LACC1: variants seen among roughly 807,000 people sequenced by gnomAD.
LACC1 encodes purine nucleoside phosphorylase LACC1.
LACC1 carries 25 observed loss-of-function variants against 34.8 expected under a neutral mutation model. The observed-to-expected ratio is 0.72, with a 90% CI of 0.52 to 1.00. The LOEUF is 1.00. LACC1 is among the 50% of genes least tolerant of loss of function. The pLI is 0.00. For missense variants in LACC1, 426 were observed against 511.2 expected, an observed-to-expected ratio of 0.83 and a Z score of 1.61; for synonymous variants, 162 against 168.0, an observed-to-expected ratio of 0.96 and a Z score of 0.28.
In LACC1 at chr13:43,891,780, A is replaced by G. The variant is rs1955577294; in HGVS notation, c.*333A>G. On this transcript the variant is annotated 3_prime_UTR_variant, in exon 7 of 7. Coordinates refer to ENST00000325686, the MANE Select transcript of LACC1 (RefSeq NM_153218.4). The stretch of plus-strand genomic sequence containing the variant: ...ATTGGTCAGGCATTGTGTTAAGCAT[A>G]TGTGAATCAAAATGAACACAACTTT... 1 of 159,116 alleles carries G rather than the reference A, an allele frequency of 6.3e-6. No homozygotes were observed. The highest frequency in any genetic ancestry group is 1.3e-5 in the Non-Finnish European group (1 of 74,150). The allele number at this position is 159,116 out of a possible 1,614,324, so 9.9% of individuals were successfully genotyped here. A position where few individuals can be genotyped will look rare whatever the true frequency, so the allele number is the denominator to read the frequency against.
At chr13:43,879,809 G>A (rs1461017060), upstream of LACC1, 1 of 116,148 alleles carries the variant, frequency 8.6e-6, no homozygotes, top group African/African-American at 3.0e-5. Flanking sequence ...GAGGCGAGGC[G>A]GGGCGAGGTG....
intron 5 of LACC1, 83 bp downstream of exon 5, chr13:43,889,065 C>T: frequency 8.8e-7 from 1 of 1,135,052 alleles, no homozygotes; most frequent in Non-Finnish European, 1.3e-6. Flanking sequence ...CAATTAATAA[C>T]TCTAAGAAGA....
chr13:43,880,871 C>T (rs1954983787), intron 1 of LACC1, 81 bp from the exon 2 acceptor site: 2 of 907,740 alleles, frequency 2.2e-6, no homozygotes, highest in South Asian at 1.9e-5. Flanking sequence ...GTAATTACTT[C>T]GTTTTTAATC....
At position 43,883,842 on chromosome 13, in the gene LACC1, T is replaced by G. The variant is rs770759227; in HGVS notation, c.813T>G (p.Asn271Lys). 3 of 1,613,674 alleles carry G rather than the reference T, an allele frequency of 1.9e-6. No individual in the cohort carries two copies. The highest frequency in any genetic ancestry group is 2.5e-6 in the Non-Finnish European group (3 of 1,179,802). ...EPDSYDGITT[N>K]QRGVTIAALG... is the part of the protein sequence containing the mutation. Reference sequence around the variant, plus strand: ...ACTCTTATGATGGAATAACCACAAATCAGAGAGGAGTCACAATAGCAGCTC... The same window carrying G: ...ACTCTTATGATGGAATAACCACAAAGCAGAGAGGAGTCACAATAGCAGCTC... Residue 271 changes from asparagine to lysine, a missense_variant, in exon 4 of 7, where the codon AAT (asparagine) becomes AAG (lysine). This residue lies in a region of LACC1 where 209 missense variants were observed against 300.3 expected (regional missense o/e 0.70). Coordinates refer to ENST00000325686, the MANE Select transcript of LACC1 (RefSeq NM_153218.4).
At chr13:43,888,553 A>G (rs1156414593) in intron 4 of LACC1, among the ~76,000 whole-genome samples, 1 of 152,154 alleles carries the variant, frequency 6.6e-6, no homozygotes, top group Non-Finnish European at 1.5e-5. Flanking sequence ...TGGAAGATGA[A>G]GAAAACTCCC....
chr13:43,891,630 C>T lies in LACC1; in HGVS notation c.*183C>T, dbSNP rs1434204110. 4 of 737,062 alleles carry T rather than the reference C, an allele frequency of 5.4e-6. No individual in the cohort carries two copies. 45.7% of individuals were successfully genotyped at this position (737,062 alleles called of 1,614,324 possible). ...TTCATTTAATTGTAATAATAACTGA[C>T]AAAAATCAGTATGTTGTAGCTAATA... On this transcript the variant is annotated 3_prime_UTR_variant, in exon 7 of 7. Coordinates refer to ENST00000325686, the MANE Select transcript of LACC1 (RefSeq NM_153218.4).
Position 43,890,293 on chromosome 13 carries a change from C to T in LACC1, c.*1+19C>T, listed in dbSNP as rs747730640. ...GAATGAGGTACAGTAGGTTTTCTCT[C>T]CTCTCTCCGTTTTTCCTCTCTTTCA... On this transcript the variant is annotated intron_variant, in intron 6 of 6. Coordinates refer to ENST00000325686, the MANE Select transcript of LACC1 (RefSeq NM_153218.4). 4.6e-5 allele frequency: 73 copies of T among 1,597,280 alleles called. No homozygotes were observed. The highest frequency in any genetic ancestry group is 6.2e-5 in the Non-Finnish European group (73 of 1,170,002).
chr13:43,886,693 C>A (rs1184634502), intron 4 of LACC1, among the ~76,000 whole-genome samples: 1 of 152,004 alleles, frequency 6.6e-6, no homozygotes, highest in African/African-American at 2.4e-5. Flanking sequence ...TACACGAAAC[C>A]CCAGTGACAT....
At chr13:43,889,123 C>T in intron 5 of LACC1, 141 bp downstream of exon 5, 1 of 627,234 alleles carries the variant, frequency 1.6e-6, no homozygotes, top group South Asian at 2.1e-5. Flanking sequence ...TGTACACAAA[C>T]ACTCATTTTA....
At position 43,890,138 on chromosome 13, in the gene LACC1, T is replaced by C. The variant is rs767001919; in HGVS notation, c.1158T>C (p.Ile386=). Reference sequence around the variant, plus strand: ...GGATTCTTCTAGAACAGGGAGGAATTCTTCCACAGAATATTCAGGACCAGA... The same window carrying C: ...GGATTCTTCTAGAACAGGGAGGAATCCTTCCACAGAATATTCAGGACCAGA... ...ATRILLEQGG[I]LPQNIQDQNQ... is the part of the protein sequence containing the mutation. The change falls in exon 6 of 7, where the codon ATT becomes ATC. Residue 386 remains isoleucine, a synonymous_variant. Coordinates refer to ENST00000325686, the MANE Select transcript of LACC1 (RefSeq NM_153218.4). 3.1e-6 allele frequency: 5 copies of C among 1,612,774 alleles called. No individual in the cohort carries two copies. The South Asian group carries it at 3.3e-5, about 11-fold the overall frequency.
intron 4 of LACC1, among the ~76,000 whole-genome samples, chr13:43,886,336 A>G (rs1218441944): frequency 1.3e-5 from 2 of 152,202 alleles, no homozygotes; most frequent in Non-Finnish European, 2.9e-5. Flanking sequence ...TTTCACAATA[A>G]TGAAGACATG....
chr13:43,880,295 C>T (rs777087497), intron 1 of LACC1, among the ~76,000 whole-genome samples, 176 bp downstream of exon 1: 30 of 144,606 alleles, frequency 2.1e-4, no homozygotes, highest in Admixed American at 9.0e-4. Flanking sequence ...GGGCAAAGGG[C>T]GTCACCAAAG....
chr13:43,887,482 T>G (rs9533676), intron 4 of LACC1, among the ~76,000 whole-genome samples: 134,982 of 152,174 alleles, frequency 0.89, 60,755 homozygotes, highest in South Asian at 0.99. Flanking sequence ...GAAGGTAGCA[T>G]AAGTAAAGAA....
chr13:43,880,860 T>C (rs1954982238), intron 1 of LACC1, 92 bp from the exon 2 acceptor site: 2 of 780,668 alleles, frequency 2.6e-6, no homozygotes, highest in Admixed American at 5.7e-5. Flanking sequence ...TTAAAATCAG[T>C]GTAATTACTT....
chr13:43,891,542 T>C lies in LACC1; in HGVS notation c.*95T>C. 3.2e-6 allele frequency: 3 copies of C among 928,754 alleles called. No individual in the cohort carries two copies. The highest frequency in any genetic ancestry group is 2.6e-6 in the Non-Finnish European group (2 of 778,212). The allele number at this position is 928,754 out of a possible 1,614,324, so 57.5% of individuals were successfully genotyped here. ...GCTGTTTGATTTACTTAAAACCAAA[T>C]GGATTACAATGGATAATTCATCTTT... On this transcript the variant is annotated 3_prime_UTR_variant, in exon 7 of 7. Transcript: ENST00000325686.
At chr13:43,890,017 G>A (rs1405461411) in intron 5 of LACC1, 97 bp from the exon 6 acceptor site, 9 of 1,032,716 alleles carry the variant, frequency 8.7e-6, no homozygotes, top group Non-Finnish European at 8.4e-6. Context: ...CATCTTTCCT[G>A]GAACTTTTTC....
rs2138271411 is a variant in LACC1 at position 43,881,560 on chromosome 13, C to G, written c.562+13C>G. The G allele has an allele frequency of 1.9e-6, 3 of 1,550,790 alleles. No homozygotes were observed. The South Asian group carries it at 3.6e-5, about 19-fold the overall frequency. On this transcript the variant is annotated intron_variant, in intron 2 of 6. Coordinates refer to ENST00000325686, the MANE Select transcript of LACC1 (RefSeq NM_153218.4). The stretch of plus-strand genomic sequence containing the variant: ...TCTTTGATCCCAGGTATATTAACCA[C>G]TAACTGTTGTTTTTACTTTGTACAT...
chr13:43,883,920 T>C lies in LACC1; in HGVS notation c.891T>C (p.Cys297=), dbSNP rs754635279. The C allele has an allele frequency of 1.9e-6, 3 of 1,612,152 alleles. No homozygotes were observed. The African/African-American group carries it at 4.0e-5, about 22-fold the overall frequency. The part of the protein sequence containing the change: ...IVFADPVKKA[C]GVAHAGWKGT... ...TTGCAGATCCAGTCAAAAAAGCATG[T>C]GGGGTTGCTCACGCTGGTAAGTATA... Residue 297 remains cysteine, a synonymous_variant, in exon 4 of 7, where the codon TGT becomes TGC. Transcript: ENST00000325686.
upstream of LACC1, chr13:43,879,818 TGG>T: frequency 4.0e-5 from 1 of 24,820 alleles, no homozygotes; most frequent in East Asian, 5.8e-4. Context: ...CGGGGCGAGG[TGG>T]GCGAGGTGGG....
Sources: allele counts gnomAD v4.1 joint callset (sites outside exome capture counted in the v4.1 genomes callset), GRCh38; gene constraint gnomAD v4.1.1; regional missense constraint gnomAD v4.1.1; transcripts MANE v1.5; gene names NCBI Gene and HGNC (gene_info 2026-07-23, HGNC 2026-07-21).